NECAB1: variants seen among roughly 807,000 people sequenced by gnomAD.
NECAB1 encodes the protein N-terminal EF-hand calcium binding protein 1, also known as N-terminal EF-hand calcium-binding protein 1.
NECAB1 carries 29 observed loss-of-function variants against 57.5 expected under a neutral mutation model. The observed-to-expected ratio is 0.50, with a 90% CI of 0.38 to 0.69. The LOEUF is 0.69. Ranked by LOEUF, NECAB1 falls within the 30% of genes least tolerant of loss-of-function variation. NECAB1 has a pLI of 0.00. For missense variants in NECAB1, 372 were observed against 413.8 expected, an observed-to-expected ratio of 0.90 and a Z score of 0.88; for synonymous variants, 142 against 147.7, an observed-to-expected ratio of 0.96 and a Z score of 0.28.
chr8:90,925,164 C>A (rs2879405), intron 6 of NECAB1, among the ~76,000 whole-genome samples: 4 of 151,882 alleles, frequency 2.6e-5, no homozygotes, highest in Non-Finnish European at 4.4e-5. Context: ...GGATGTATAG[C>A]TTTGATCCAA....
At chr8:90,870,593 T>C (rs1808606309) in intron 3 of NECAB1, among the ~76,000 whole-genome samples, 4 of 152,244 alleles carry the variant, frequency 2.6e-5, no homozygotes, top group South Asian at 4.1e-4. Flanking sequence ...CTCAACAATT[T>C]AACATTTGAG....
intron 5 of NECAB1, among the ~76,000 whole-genome samples, chr8:90,907,595 T>C (rs889475842): frequency 1.3e-5 from 2 of 152,202 alleles, no homozygotes; most frequent in Non-Finnish European, 2.9e-5. Context: ...CTGACAGCTA[T>C]GAAATTGGGA....
intron 3 of NECAB1, among the ~76,000 whole-genome samples, chr8:90,832,423 A>G (rs550907539): frequency 6.6e-6 from 1 of 152,256 alleles, no homozygotes; most frequent in Non-Finnish European, 1.5e-5. Flanking sequence ...AAAGGAGAGA[A>G]TGTTAAAGGG....
rs34779201 is a variant in NECAB1, at chr8:90,849,686, ATTT to A, written c.234-22419_234-22417del. Reference sequence around the variant, plus strand: ...TTTTTTATGTTTAAAGTTTCCAGTAATTTTTTTTTTTTTTTTTTTTTTTTTGGA... The same window carrying A: ...TTTTTTATGTTTAAAGTTTCCAGTAATTTTTTTTTTTTTTTTTTTTTTGGA... On this transcript the variant is annotated intron_variant, in intron 3 of 12. Transcript: ENST00000417640. Among the ~76,000 whole-genome samples, 84 of 84,126 alleles carry A rather than the reference ATTT, an allele frequency of 1.0e-3. 1 individual carries two copies. In the East Asian group the frequency reaches 0.033, roughly 33 times the overall value. 55.2% of individuals were successfully genotyped at this position (84,126 alleles called of 152,430 possible).
At chr8:90,814,713 G>GT (rs1000991684) in intron 2 of NECAB1, among the ~76,000 whole-genome samples, 3 of 152,022 alleles carry the variant, frequency 2.0e-5, no homozygotes, top group African/African-American at 7.2e-5. Context: ...TGGGTGGGGA[G>GT]TTTTTACATT....
intron 5 of NECAB1, among the ~76,000 whole-genome samples, chr8:90,901,508 T>C (rs1809502798): frequency 6.6e-6 from 1 of 152,210 alleles, no homozygotes; most frequent in African/African-American, 2.4e-5. Context: ...TTAAACATCT[T>C]TTGATAAAAT....
chr8:90,954,871 ATATATG>A (rs1810991940), intron 12 of NECAB1, among the ~76,000 whole-genome samples: 1 of 148,080 alleles, frequency 6.8e-6, no homozygotes, highest in Non-Finnish European at 1.5e-5. Flanking sequence ...ATACATATGC[ATATATG>A]TATATTATGT....
At chr8:90,906,887 A>ATATATGTGTATATATATATATATGTG (rs1809675512) in intron 5 of NECAB1, among the ~76,000 whole-genome samples, 2 of 121,670 alleles carry the variant, frequency 1.6e-5, no homozygotes, top group African/African-American at 7.5e-5. Flanking sequence ...ATATATATAT[A>ATATATGTGTATATATATATATATGTG]TATATATATA....
chr8:90,896,409 C>G (rs1010791438), intron 5 of NECAB1, among the ~76,000 whole-genome samples: 1 of 152,030 alleles, frequency 6.6e-6, no homozygotes, highest in Non-Finnish European at 1.5e-5. Context: ...TCGAGACCAT[C>G]CTGGCTAACA....
chr8:90,804,181 T>C (rs554861575), intron 2 of NECAB1, among the ~76,000 whole-genome samples: 52 of 152,344 alleles, frequency 3.4e-4, no homozygotes, highest in African/African-American at 1.2e-3. Flanking sequence ...GTATATATAC[T>C]ATTCAGCCTT....
intron 10 of NECAB1, among the ~76,000 whole-genome samples, chr8:90,949,599 CAAAT>C (rs547447918): frequency 4.2e-4 from 64 of 152,120 alleles, no homozygotes; most frequent in Middle Eastern, 6.8e-3. Context: ...AAAAAACAAA[CAAAT>C]AAACAAACAA....
At chr8:90,945,062 T>G (rs1810766742) in intron 10 of NECAB1, among the ~76,000 whole-genome samples, 1 of 151,942 alleles carries the variant, frequency 6.6e-6, no homozygotes, top group African/African-American at 2.4e-5. Flanking sequence ...CATGCCTGGC[T>G]AATTTATTTA....
At chr8:90,940,558 T>C (rs1810644356) in intron 9 of NECAB1, 1 of 461,822 alleles carries the variant, frequency 2.2e-6, no homozygotes, top group South Asian at 3.8e-5. Context: ...AACACGTCAT[T>C]GTAAAGAACA....
chr8:90,899,007 G>C (rs957900282), intron 5 of NECAB1, among the ~76,000 whole-genome samples: 1 of 152,210 alleles, frequency 6.6e-6, no homozygotes, highest in Non-Finnish European at 1.5e-5. Context: ...AAGAGCAGTG[G>C]GAAGATCCTT....
At chr8:90,843,417 T>C (rs1460988241) in intron 3 of NECAB1, among the ~76,000 whole-genome samples, 2 of 152,238 alleles carry the variant, frequency 1.3e-5, no homozygotes, top group African/African-American at 4.8e-5. Flanking sequence ...AGGATCTTTT[T>C]ATGCTTTCTC....
intron 5 of NECAB1, among the ~76,000 whole-genome samples, chr8:90,906,146 C>T (rs1227863490): frequency 3.3e-5 from 5 of 152,002 alleles, no homozygotes; most frequent in African/African-American, 7.2e-5. Flanking sequence ...TATTTCTTTA[C>T]GGAGAATATG....
At chr8:90,870,947 G>T (rs1470665849) in intron 3 of NECAB1, among the ~76,000 whole-genome samples, 2 of 151,984 alleles carry the variant, frequency 1.3e-5, no homozygotes, top group Admixed American at 6.6e-5. Flanking sequence ...TAGTTATGAA[G>T]ATATAATTTA....
At chr8:90,821,685 T>C (rs2129699319) in intron 2 of NECAB1, among the ~76,000 whole-genome samples, 1 of 151,868 alleles carries the variant, frequency 6.6e-6, no homozygotes, top group Non-Finnish European at 1.5e-5. Context: ...TTTTTCTTTT[T>C]TCAAAATGCT....
intron 3 of NECAB1, among the ~76,000 whole-genome samples, chr8:90,864,731 C>G (rs1808476833): frequency 6.6e-6 from 1 of 152,064 alleles, no homozygotes; most frequent in Non-Finnish European, 1.5e-5. Flanking sequence ...TTGTCCTATA[C>G]TGTTTTACTG....
Sources: allele counts gnomAD v4.1 joint callset (sites outside exome capture counted in the v4.1 genomes callset), GRCh38; gene constraint gnomAD v4.1.1; transcripts MANE v1.5; gene names NCBI Gene and HGNC (gene_info 2026-07-23, HGNC 2026-07-21).